The following AGBL4 variants were observed in gnomAD, a reference collection of about 807,000 sequenced individuals.
AGBL4 encodes cytosolic carboxypeptidase 6.
AGBL4 carries 58 observed loss-of-function variants against 66.4 expected under a neutral mutation model. The observed-to-expected ratio is 0.87, with a 90% CI of 0.71 to 1.09. AGBL4 has a LOEUF of 1.09. Ranked by LOEUF, AGBL4 falls within the 50% of genes least tolerant of loss-of-function variation. AGBL4 has a pLI of 0.00. For synonymous variants in AGBL4, 234 were observed against 222.9 expected (o/e 1.05, Z -0.44); for missense variants, 579 against 631.0 (o/e 0.92, Z 0.88).
At chr1:50,017,089 C>T (rs971352967) in intron 1 of AGBL4, 1 of 151,792 alleles carries the variant, frequency 6.6e-6, no homozygotes, top group Non-Finnish European at 1.5e-5. Flanking sequence ...TATATATATA[C>T]ATAAAATAAA....
intron 1 of AGBL4, chr1:49,995,202 C>T (rs1406452223): frequency 2.2e-6 from 1 of 456,156 alleles, no homozygotes; most frequent in South Asian, 1.5e-5. Context: ...GGTGGGGAGG[C>T]ACAAATCCTG....
chr1:49,578,753 AC>A (rs1253083981), intron 3 of AGBL4, among the ~76,000 whole-genome samples: 3 of 152,056 alleles, frequency 2.0e-5, no homozygotes, highest in African/African-American at 7.2e-5. Flanking sequence ...TGTAATTATG[AC>A]CTTTTTGCTG....
At chr1:49,329,842 T>C (rs1348300788) in intron 3 of AGBL4, among the ~76,000 whole-genome samples, 3 of 152,220 alleles carry the variant, frequency 2.0e-5, no homozygotes, top group Non-Finnish European at 4.4e-5. Flanking sequence ...GATAATTCTC[T>C]ACATTCACAC....
At chr1:49,547,796 CAG>C (rs1345679555) in intron 3 of AGBL4, among the ~76,000 whole-genome samples, 10 of 148,162 alleles carry the variant, frequency 6.7e-5, no homozygotes, top group Non-Finnish European at 1.3e-4. Context: ...TTTCTTGAGA[CAG>C]AGTCTTACTC....
chr1:48,776,867 C>T (rs1423366460), intron 6 of AGBL4: 13 of 1,430,880 alleles, frequency 9.1e-6, no homozygotes, highest in Middle Eastern at 4.7e-4. Flanking sequence ...TCGGGCAGCT[C>T]AGCCCGCGGG....
Position 48,797,029 on chromosome 1 carries a change from T to C in AGBL4, c.634+70162A>G, listed in dbSNP as rs113597673. ...TAAGAAAAGAAATATAATTATTGAG[T>C]CTTGAAGACTTAAACCTGGAAGGAC... is the stretch of plus-strand genomic sequence containing the variant. On this transcript the variant is annotated intron_variant, in intron 6 of 13. Transcript: ENST00000371839. 2.0e-3 allele frequency among the ~76,000 whole-genome samples: 300 copies of C among 152,242 alleles called. 5 individuals are homozygous for C. The highest frequency in any genetic ancestry group is 6.7e-3 in the African/African-American group (277 of 41,542).
intron 3 of AGBL4, among the ~76,000 whole-genome samples, chr1:49,416,966 A>G (rs942825642): frequency 1.3e-5 from 2 of 152,132 alleles, no homozygotes; most frequent in Non-Finnish European, 2.9e-5. Flanking sequence ...TGAGTCAGAG[A>G]TCTAAAGCTC....
chr1:48,663,244 G>A lies in AGBL4; in HGVS notation c.635-3C>T, dbSNP rs767742532. ...CTCTGCCCCTTCCCGGAGATTGTCT[G>A]TAAGATAAAATGAAAGATGGTTGCT... On this transcript the variant is annotated splice_polypyrimidine_tract_variant and splice_region_variant and intron_variant, in intron 6 of 13. Coordinates refer to ENST00000371839, the MANE Select transcript of AGBL4 (RefSeq NM_032785.4). The A allele has an allele frequency of 6.2e-6, 10 of 1,613,868 alleles. No homozygotes were observed. The highest frequency in any genetic ancestry group is 1.3e-5 in the African/African-American group (1 of 75,016).
chr1:49,256,382 A>G (rs1346378879), intron 3 of AGBL4, among the ~76,000 whole-genome samples: 3 of 152,196 alleles, frequency 2.0e-5, no homozygotes, highest in Non-Finnish European at 2.9e-5. Context: ...TCAATTGTAT[A>G]TCTATATACT....
intron 1 of AGBL4, among the ~76,000 whole-genome samples, chr1:49,921,261 A>G (rs557857253): frequency 6.6e-6 from 1 of 152,100 alleles, no homozygotes; most frequent in Non-Finnish European, 1.5e-5. Context: ...AGAAAAAAAA[A>G]CAAACAAACA....
At chr1:49,397,920 T>C (rs547297209) in intron 3 of AGBL4, among the ~76,000 whole-genome samples, 1 of 152,332 alleles carries the variant, frequency 6.6e-6, no homozygotes, top group African/African-American at 2.4e-5. Flanking sequence ...TACTGTAGCC[T>C]ACTTTCTATT....
intron 11 of AGBL4, among the ~76,000 whole-genome samples, chr1:48,550,088 A>G (rs1644226998): frequency 1.3e-5 from 2 of 152,198 alleles, no homozygotes; most frequent in Admixed American, 1.3e-4. Flanking sequence ...CTGGAGATGA[A>G]TGCTTATACG....
At chr1:49,259,877 C>G (rs1390919950) in intron 3 of AGBL4, among the ~76,000 whole-genome samples, 1 of 141,812 alleles carries the variant, frequency 7.1e-6, no homozygotes, top group African/African-American at 2.6e-5. Flanking sequence ...CCACACCACA[C>G]CTATTCCAAA....
intron 1 of AGBL4, among the ~76,000 whole-genome samples, chr1:49,990,312 G>A (rs1436359564): frequency 6.6e-6 from 1 of 152,138 alleles, no homozygotes; most frequent in Non-Finnish European, 1.5e-5. Flanking sequence ...GGTGGGAGGT[G>A]ATTGAATCAT....
At chr1:49,359,621 A>C (rs1037045883) in intron 3 of AGBL4, among the ~76,000 whole-genome samples, 2 of 152,180 alleles carry the variant, frequency 1.3e-5, no homozygotes, top group South Asian at 4.1e-4. Context: ...TCCAGACATC[A>C]GTATGTCTCC....
intron 1 of AGBL4, among the ~76,000 whole-genome samples, chr1:49,982,568 T>C (rs1264896121): frequency 6.6e-6 from 1 of 151,972 alleles, no homozygotes; most frequent in Admixed American, 6.5e-5. Context: ...AAGGGGTGGG[T>C]CCCCAATGAA....
chr1:49,867,463 A>G lies in AGBL4; in HGVS notation c.35-15945T>C, dbSNP rs185407474. Among the ~76,000 whole-genome samples, 852 of 149,326 alleles carry G rather than the reference A, an allele frequency of 5.7e-3. 8 individuals are homozygous for G. Among genetic ancestry groups the G allele is most frequent in the African/African-American group, 0.02 (813 of 40,792 alleles). ...CATTAACTTGTCATTTACATTAGGTATATCTCCCAATGCTATCCCTTCCCC... is the reference window on the plus strand; with the variant it reads ...CATTAACTTGTCATTTACATTAGGTGTATCTCCCAATGCTATCCCTTCCCC... On this transcript the variant is annotated intron_variant, in intron 1 of 13. Transcript: ENST00000371839.
intron 2 of AGBL4, among the ~76,000 whole-genome samples, chr1:49,799,546 T>C (rs753418900): frequency 3.3e-5 from 5 of 152,034 alleles, no homozygotes; most frequent in African/African-American, 4.8e-5. Context: ...AACAGTTGTT[T>C]ATAGGAAGTG....
At chr1:49,316,632 T>C (rs1299320595) in intron 3 of AGBL4, among the ~76,000 whole-genome samples, 1 of 151,918 alleles carries the variant, frequency 6.6e-6, no homozygotes, top group Non-Finnish European at 1.5e-5. Context: ...AAGAGTATTA[T>C]TTAATGTTGA....
Sources: allele counts gnomAD v4.1 joint callset (sites outside exome capture counted in the v4.1 genomes callset), GRCh38; gene constraint gnomAD v4.1.1; transcripts MANE v1.5; gene names NCBI Gene and HGNC (gene_info 2026-07-23, HGNC 2026-07-21).